PAM: variants seen among roughly 807,000 people sequenced by gnomAD.
PAM encodes the protein peptidylglycine alpha-amidating monooxygenase.
Under a neutral mutation model 122.1 loss-of-function variants are expected in PAM, and 72 were observed. The observed-to-expected ratio is 0.59, with a 90% confidence interval of 0.49 to 0.72. The LOEUF is 0.72. Among genes scored for constraint, PAM ranks in the 30% least tolerant of loss-of-function variants. The pLI is 0.00. For synonymous variants in PAM, 389 were observed against 404.4 expected (o/e 0.96, Z 0.46); for missense variants, 1,106 against 1,183.7 (o/e 0.93, Z 0.96).
chr5:102,847,287 A>G lies in PAM; in HGVS notation c.-373-18536A>G, dbSNP rs150036596. Among the ~76,000 whole-genome samples, 448 of 152,210 alleles carry G rather than the reference A, an allele frequency of 2.9e-3. 7 individuals carry two copies. Among genetic ancestry groups the G allele is most frequent in the Admixed American group, 0.022 (339 of 15,288 alleles). On this transcript the variant is annotated intron_variant, in intron 1 of 25. Coordinates refer to ENST00000438793, the MANE Select transcript of PAM (RefSeq NM_001177306.2). ...AAGCCTGTCTCTACTAAAAATACAA[A>G]AACTAGCCAGGCATGGTGACATGTG...
At chr5:102,760,837 A>G (rs1752110192) in intron 1 of PAM, among the ~76,000 whole-genome samples, 1 of 152,066 alleles carries the variant, frequency 6.6e-6, no homozygotes, top group South Asian at 2.1e-4. Context: ...CTCTTGGGGA[A>G]AAGAAAAGTG....
At chr5:102,944,338 C>T (rs1405277246) in intron 7 of PAM, among the ~76,000 whole-genome samples, 1 of 151,924 alleles carries the variant, frequency 6.6e-6, no homozygotes, top group Non-Finnish European at 1.5e-5. Context: ...AAATACAGGA[C>T]ATTAGTAGCT....
At chr5:102,761,960 G>C (rs994014816) in intron 1 of PAM, among the ~76,000 whole-genome samples, 3 of 152,190 alleles carry the variant, frequency 2.0e-5, no homozygotes, top group Non-Finnish European at 4.4e-5. Flanking sequence ...GGAGAGCCGA[G>C]GTCATATGCT....
chr5:102,847,420 CA>C (rs1780227710), intron 1 of PAM, among the ~76,000 whole-genome samples: 1 of 152,112 alleles, frequency 6.6e-6, no homozygotes, highest in African/African-American at 2.4e-5. Flanking sequence ...GCCTGGGTGA[CA>C]AGAGCAAAAC....
At chr5:102,811,829 G>A (rs1244617845) in intron 1 of PAM, among the ~76,000 whole-genome samples, 1 of 152,096 alleles carries the variant, frequency 6.6e-6, no homozygotes, top group Admixed American at 6.5e-5. Flanking sequence ...AATTAATGTG[G>A]GAAATTCAGA....
At chr5:102,949,823 T>C in intron 10 of PAM, 79 bp from the exon 11 acceptor site, 1 of 809,580 alleles carries the variant, frequency 1.2e-6, no homozygotes, top group Non-Finnish European at 2.1e-6. Flanking sequence ...ATTTCTACTT[T>C]AAAGTAGGAA....
chr5:102,855,106 C>CT (rs1782294475), intron 1 of PAM, among the ~76,000 whole-genome samples: 1 of 152,042 alleles, frequency 6.6e-6, no homozygotes, highest in Admixed American at 6.5e-5. Flanking sequence ...TTGTTAATGA[C>CT]TTCCAGATTA....
At chr5:102,831,373 G>A (rs1193712963) in intron 1 of PAM, among the ~76,000 whole-genome samples, 1 of 151,822 alleles carries the variant, frequency 6.6e-6, no homozygotes, top group Non-Finnish European at 1.5e-5. Flanking sequence ...GTGTGAAAGA[G>A]AAATGTAGCT....
intron 1 of PAM, among the ~76,000 whole-genome samples, chr5:102,757,469 A>G (rs1014968308): frequency 6.6e-5 from 10 of 152,256 alleles, no homozygotes; most frequent in Admixed American, 6.5e-4. Context: ...ACTTGGAAAT[A>G]AAATGAATTC....
rs866860824 is a variant in PAM at position 102,865,961 on chromosome 5, G to C, written c.-235G>C. Reference sequence around the variant, plus strand: ...TGGAGGGAGGAAAGCTTCCGCCTGCGGGCCGGACAAAAGTCCCGCCTGCCC... The same window carrying C: ...TGGAGGGAGGAAAGCTTCCGCCTGCCGGCCGGACAAAAGTCCCGCCTGCCC... On this transcript the variant is annotated 5_prime_UTR_variant, in exon 2 of 26. Coordinates refer to ENST00000438793, the MANE Select transcript of PAM (RefSeq NM_001177306.2). 4.6e-5 allele frequency: 20 copies of C among 432,078 alleles called. No individual in the cohort carries two copies. Among genetic ancestry groups the C allele is most frequent in the South Asian group, 1.4e-4 (3 of 21,130 alleles). The allele number at this position is 432,078 out of a possible 1,614,324, so 26.8% of individuals were successfully genotyped here.
chr5:102,990,523 G>C, intron 16 of PAM, 122 bp downstream of exon 16: 1 of 632,656 alleles, frequency 1.6e-6, no homozygotes, highest in Non-Finnish European at 2.5e-6. Context: ...ACTTTTATGA[G>C]CAAAATGTAT....
At chr5:102,890,237 T>G (rs1794396932) in intron 3 of PAM, among the ~76,000 whole-genome samples, 1 of 151,922 alleles carries the variant, frequency 6.6e-6, no homozygotes, top group East Asian at 1.9e-4. Flanking sequence ...GATGGTGGTA[T>G]GTATTACCAG....
chr5:102,851,970 C>T (rs1242340970), intron 1 of PAM, among the ~76,000 whole-genome samples: 1 of 152,160 alleles, frequency 6.6e-6, no homozygotes, highest in Non-Finnish European at 1.5e-5. Flanking sequence ...TATTGTGGAA[C>T]AAAATGCAAA....
chr5:102,924,976 T>C lies in PAM; in HGVS notation c.376T>C (p.Cys126Arg). ...GSYWFCDEGT[C>R]TDKANILYAW... ...CTTCAGGTTTTGTGATGAAGGAACC[T>C]GTACAGATAAAGCCAATATTCTGTA... The change falls in exon 6 of 26, where the codon TGT becomes CGT. Residue 126 changes from cysteine (C) to arginine (R), a missense_variant. By Grantham distance (180) the Cys-to-Arg change is radical. Around this residue, in one of 3 missense-constraint regions of PAM, gnomAD observed 670 missense variants for 690.3 expected, o/e 0.97. Coordinates refer to ENST00000438793, the MANE Select transcript of PAM (RefSeq NM_001177306.2). 1 of 1,562,434 alleles carries C rather than the reference T, an allele frequency of 6.4e-7. No individual in the cohort carries two copies. Among genetic ancestry groups the C allele is most frequent in the Non-Finnish European group, 8.8e-7 (1 of 1,132,758 alleles).
chr5:103,014,872 C>G (rs918239196), intron 21 of PAM, among the ~76,000 whole-genome samples: 7 of 152,136 alleles, frequency 4.6e-5, no homozygotes, highest in African/African-American at 1.7e-4. Flanking sequence ...AAAGGACAGA[C>G]TTGTGGTCCC....
chr5:102,831,104 G>A (rs947923008), intron 1 of PAM, among the ~76,000 whole-genome samples: 18 of 152,096 alleles, frequency 1.2e-4, no homozygotes, highest in African/African-American at 4.3e-4. Flanking sequence ...TAAAATCAAA[G>A]TCACGTAGCT....
chr5:103,012,777 A>G (rs1465748267), intron 21 of PAM, among the ~76,000 whole-genome samples: 1 of 150,776 alleles, frequency 6.6e-6, no homozygotes, highest in East Asian at 2.0e-4. Flanking sequence ...AATGGCGTGA[A>G]CCCGGGAGGC....
chr5:103,003,582 T>C (rs1320877803), intron 17 of PAM, among the ~76,000 whole-genome samples: 1 of 152,136 alleles, frequency 6.6e-6, no homozygotes, highest in Non-Finnish European at 1.5e-5. Context: ...CAATTAAAAT[T>C]TGTCAATTTG....
chr5:102,833,644 A>T (rs1398906242), intron 1 of PAM, among the ~76,000 whole-genome samples: 1 of 152,204 alleles, frequency 6.6e-6, no homozygotes, highest in Admixed American at 6.5e-5. Flanking sequence ...TCTTTTTAGC[A>T]GATCTTGTTT....
Sources: gnomAD v4.1 joint callset for allele counts (sites outside exome capture counted in the v4.1 genomes callset) on GRCh38, gnomAD v4.1.1 for gene constraint, gnomAD v4.1.1 regional missense constraint, MANE v1.5 for transcripts, NCBI Gene and HGNC (gene_info 2026-07-23, HGNC 2026-07-21) for gene names.